Variants in BTG1 observed in about 807,000 individuals in gnomAD.
BTG1 encodes the protein BTG anti-proliferation factor 1, also known as protein BTG1.
In BTG1, 2 loss-of-function variants were observed where a neutral mutation model predicts 15.2. The ratio of observed to expected loss-of-function variants is 0.13; its 90% confidence interval spans 0.05 to 0.41. BTG1 has a LOEUF of 0.41. BTG1 is among the 10% of genes least tolerant of loss of function. The pLI, the probability that BTG1 is intolerant of heterozygous loss-of-function variation, is 0.99. For missense variants in BTG1, 149 were observed against 215.0 expected (o/e 0.69, Z 1.92); for synonymous variants, 109 against 82.4 (o/e 1.32, Z -1.75).
chr12:92,145,438 C>T lies in BTG1; in HGVS notation c.98G>A (p.Ser33Asn), dbSNP rs762479426. Residue 33 changes from serine (S) to asparagine (N), a missense_variant, in exon 1 of 2, where the codon AGC (serine) becomes AAC (asparagine). Physicochemically the swap from Ser to Asn is conservative, Grantham distance 46. Coordinates refer to ENST00000256015, the MANE Select transcript of BTG1 (RefSeq NM_001731.3). Reference sequence around the variant, plus strand: ...GCTGAAGGTCTGCAGCTGTCGCTCGCTCGTGAGCCCCTTGGTGCGGAGAAA... The same window carrying T: ...GCTGAAGGTCTGCAGCTGTCGCTCGTTCGTGAGCCCCTTGGTGCGGAGAAA... Reference protein sequence around the residue: ...SKFLRTKGLTSERQLQTFSQS... With the variant: ...SKFLRTKGLTNERQLQTFSQS... 12 of 1,592,944 alleles carry T rather than the reference C, an allele frequency of 7.5e-6. No individual in the cohort carries two copies. Among genetic ancestry groups the T allele is most frequent in the Non-Finnish European group, 1.0e-5 (12 of 1,171,088 alleles).
intron 1 of BTG1, 24 bp downstream of exon 1, chr12:92,145,364 C>T (rs372780404): frequency 6.5e-7 from 1 of 1,529,182 alleles, no homozygotes; most frequent in Non-Finnish European, 8.8e-7. Context: ...GCCCGCGTCC[C>T]TCCGACGCCC....
intron 1 of BTG1, 40 bp downstream of exon 1, chr12:92,145,348 T>C (rs780467393): frequency 3.3e-5 from 49 of 1,498,454 alleles, no homozygotes; most frequent in Non-Finnish European, 4.1e-5. Flanking sequence ...GACCCAGGGA[T>C]GTGGGGCCCG....
Position 92,145,513 on chromosome 12 carries a change from G to A in BTG1, c.23C>T (p.Ala8Val), listed in dbSNP as rs774756242. The change falls in exon 1 of 2, where the codon GCC (alanine) becomes GTC (valine). Residue 8 changes from alanine to valine, a missense_variant. Transcript: ENST00000256015. MHPFYTR[A>V]ATMIGEIAAA... ...GGCGATCTCGCCTATCATGGTGGCG[G>A]CCCGGGTGTAGAAGGGATGCATGGG... is the stretch of plus-strand genomic sequence containing the variant. The A allele has an allele frequency of 6.3e-7, 1 of 1,576,560 alleles. No homozygotes were observed. Among genetic ancestry groups the A allele is most frequent in the South Asian group, 1.1e-5 (1 of 87,682 alleles).
At chr12:92,145,065 C>T (rs1870494838) in intron 1 of BTG1, 1 of 212,456 alleles carries the variant, frequency 4.7e-6, no homozygotes, top group Non-Finnish European at 9.3e-6. Context: ...CCCACCCCAG[C>T]CCCACGGCTC....
In BTG1 at chr12:92,142,590, A is replaced by G. The variant is rs1010392559; in HGVS notation, c.*1490T>C. 1.7e-5 allele frequency: 4 copies of G among 232,850 alleles called. No homozygotes were observed. The highest frequency in any genetic ancestry group is 2.5e-5 in the Non-Finnish European group (3 of 117,864). The allele number at this position is 232,850 out of a possible 1,614,324, so 14.4% of individuals were successfully genotyped here. A position where few individuals can be genotyped will look rare whatever the true frequency, so the allele number is the denominator to read the frequency against. On this transcript the variant is annotated 3_prime_UTR_variant, in exon 2 of 2. Transcript: ENST00000256015. ...GTCAGCATTTCAACTTTTGAGAATA[A>G]AAGTTCATAAACATACCTTTTGTTG... is the stretch of plus-strand genomic sequence containing the variant.
In BTG1 at chr12:92,143,429, T is replaced by A. The variant is rs1047244120; in HGVS notation, c.*651A>T. On this transcript the variant is annotated 3_prime_UTR_variant, in exon 2 of 2. Coordinates refer to ENST00000256015, the MANE Select transcript of BTG1 (RefSeq NM_001731.3). ...AGCAAATGTACAGAGAGCTGGCTGG[T>A]GCTAACACCACAGTTGAGACAGTGT... The A allele has an allele frequency of 4.3e-6, 1 of 233,450 alleles. No individual in the cohort carries two copies. Among genetic ancestry groups the A allele is most frequent in the African/African-American group, 2.2e-5 (1 of 45,366 alleles). The allele number at this position is 233,450 out of a possible 1,614,324, so 14.5% of individuals were successfully genotyped here. A position where few individuals can be genotyped will look rare whatever the true frequency, so the allele number is the denominator to read the frequency against.
chr12:92,141,925 T>C lies in BTG1; in HGVS notation c.*2155A>G, dbSNP rs1322578118. ...AAAAAAAAAAAATGGTTGAGGTACTTAGTTTCAATGGAGTTACCAGATGAA... is the reference window on the plus strand; with the variant it reads ...AAAAAAAAAAAATGGTTGAGGTACTCAGTTTCAATGGAGTTACCAGATGAA... On this transcript the variant is annotated 3_prime_UTR_variant, in exon 2 of 2. Coordinates refer to ENST00000256015, the MANE Select transcript of BTG1 (RefSeq NM_001731.3). 4.3e-6 allele frequency: 1 copy of C among 232,326 alleles called. No individual in the cohort carries two copies. The highest frequency in any genetic ancestry group is 8.5e-6 in the Non-Finnish European group (1 of 117,586). 14.4% of individuals were successfully genotyped at this position (232,326 alleles called of 1,614,324 possible). A position where few individuals can be genotyped will look rare whatever the true frequency, so the allele number is the denominator to read the frequency against.
At chr12:92,144,504 G>C in intron 1 of BTG1, 57 bp from the exon 2 acceptor site, 2 of 1,591,726 alleles carry the variant, frequency 1.3e-6, no homozygotes, top group Non-Finnish European at 1.7e-6. Flanking sequence ...CTCCCACTGC[G>C]GATTCCTCCT....
In BTG1 at chr12:92,144,023, C is replaced by A. The variant is rs1257998640; in HGVS notation, c.*57G>T. On this transcript the variant is annotated 3_prime_UTR_variant, in exon 2 of 2. Transcript: ENST00000256015. ...AATCCATCCCCAAGAGGAGCCCACC[C>A]AAAGCAAAAATCAAATTTATCCATC... 1.9e-6 allele frequency: 3 copies of A among 1,594,742 alleles called. No homozygotes were observed. The highest frequency in any genetic ancestry group is 2.6e-6 in the Non-Finnish European group (3 of 1,174,580).
In BTG1 at chr12:92,143,057, T is replaced by C. The variant is rs887937383; in HGVS notation, c.*1023A>G. On this transcript the variant is annotated 3_prime_UTR_variant, in exon 2 of 2. Transcript: ENST00000256015. ...TGACCAGTGTGCAACAGAGATTCAG[T>C]TTATAGAACCTGTCTTCTAAGAAAA... The C allele has an allele frequency of 6.4e-5, 15 of 232,718 alleles. No homozygotes were observed. The highest frequency in any genetic ancestry group is 1.2e-4 in the Non-Finnish European group (14 of 117,850). The allele number at this position is 232,718 out of a possible 1,614,324, so 14.4% of individuals were successfully genotyped here. A position where few individuals can be genotyped will look rare whatever the true frequency, so the allele number is the denominator to read the frequency against.
In BTG1 at chr12:92,145,735, G is replaced by A. The variant is rs532298336; in HGVS notation, c.-200C>T. 50 of 326,136 alleles carry A rather than the reference G, an allele frequency of 1.5e-4. No homozygotes were observed. Among genetic ancestry groups the A allele is most frequent in the Non-Finnish European group, 2.7e-4 (49 of 184,186 alleles). 20.2% of individuals were successfully genotyped at this position (326,136 alleles called of 1,614,324 possible). On this transcript the variant is annotated 5_prime_UTR_variant, in exon 1 of 2. Coordinates refer to ENST00000256015, the MANE Select transcript of BTG1 (RefSeq NM_001731.3). ...GACAGGAGGCGGCAGGAGAGAGGAA[G>A]AGACGAGCGATGGCGGCCTGGTCAC... is the stretch of plus-strand genomic sequence containing the variant.
In BTG1 at chr12:92,144,419, T is replaced by C. The variant is rs758989919; in HGVS notation, c.177A>G (p.Glu59=). Residue 59 remains glutamate, a synonymous_variant, in exon 2 of 2, where the codon GAA becomes GAG. Coordinates refer to ENST00000256015, the MANE Select transcript of BTG1 (RefSeq NM_001731.3). ...AEHYKHHWFP[E]KPCKGSGYRC... ...GGTAACCCGATCCCTTGCATGGCTT[T>C]TCTGGGAACCAGTGATGTTTATAAT... The C allele has an allele frequency of 1.2e-6, 2 of 1,614,200 alleles. No homozygotes were observed. The highest frequency in any genetic ancestry group is 1.7e-6 in the Non-Finnish European group (2 of 1,180,034).
intron 1 of BTG1, chr12:92,145,142 T>C: frequency 2.4e-6 from 1 of 417,422 alleles, no homozygotes; most frequent in East Asian, 4.6e-5. Context: ...TAAGTTTCTT[T>C]GTTGTGCGTG....
chr12:92,145,628 G>T lies in BTG1; in HGVS notation c.-93C>A, dbSNP rs1201969742. ...CCACCCCGGGCTTCCTCACCGGGCG[G>T]AAGGCTGAGAGGAAGAGAGGGCGTG... On this transcript the variant is annotated 5_prime_UTR_variant, in exon 1 of 2. Coordinates refer to ENST00000256015, the MANE Select transcript of BTG1 (RefSeq NM_001731.3). 2.2e-6 allele frequency: 2 copies of T among 929,948 alleles called. No individual in the cohort carries two copies. Among genetic ancestry groups the T allele is most frequent in the African/African-American group, 1.8e-5 (1 of 57,102 alleles). 57.6% of individuals were successfully genotyped at this position (929,948 alleles called of 1,614,324 possible).
chr12:92,144,710 G>C (rs370638133), intron 1 of BTG1, among the ~76,000 whole-genome samples: 169 of 152,264 alleles, frequency 1.1e-3, no homozygotes, highest in African/African-American at 3.6e-3. Context: ...GCGCAGCCTC[G>C]GCCAGTCGGG....
rs2136946622 is a variant in BTG1, at chr12:92,142,778, T to C, written c.*1302A>G. The C allele has an allele frequency of 4.3e-6, 1 of 233,108 alleles. No individual in the cohort carries two copies. The highest frequency in any genetic ancestry group is 6.1e-5 in the East Asian group (1 of 16,518). 14.4% of individuals were successfully genotyped at this position (233,108 alleles called of 1,614,324 possible). ...ATCCATGGGGCAAAGTAATTGTTTT[T>C]CAAAGGTGGGTCAGAATGGAACATT... On this transcript the variant is annotated 3_prime_UTR_variant, in exon 2 of 2. Transcript: ENST00000256015.
chr12:92,145,611 GGCT>G lies in BTG1; in HGVS notation c.-79_-77del. The G allele has an allele frequency of 9.2e-7, 1 of 1,092,498 alleles. No individual in the cohort carries two copies. Among genetic ancestry groups the G allele is most frequent in the Non-Finnish European group, 1.2e-6 (1 of 849,392 alleles). The allele number at this position is 1,092,498 out of a possible 1,614,324, so 67.7% of individuals were successfully genotyped here. The stretch of plus-strand genomic sequence containing the variant: ...CCCCGACGGCGGAGCAGCCACCCCG[GGCT>G]TCCTCACCGGGCGGAAGGCTGAGAG... On this transcript the variant is annotated 5_prime_UTR_variant, in exon 1 of 2. Coordinates refer to ENST00000256015, the MANE Select transcript of BTG1 (RefSeq NM_001731.3).
chr12:92,142,921 T>C lies in BTG1; in HGVS notation c.*1159A>G, dbSNP rs1592656569. The C allele has an allele frequency of 4.3e-6, 1 of 233,124 alleles. No individual in the cohort carries two copies. The highest frequency in any genetic ancestry group is 8.5e-6 in the Non-Finnish European group (1 of 117,980). 14.4% of individuals were successfully genotyped at this position (233,124 alleles called of 1,614,324 possible). A position where few individuals can be genotyped will look rare whatever the true frequency, so the allele number is the denominator to read the frequency against. Reference sequence around the variant, plus strand: ...ATGAGATCATTAGCCTGTGAATGTGTCCATGTTTTGACTTTAGAAATTTTT... The same window carrying C: ...ATGAGATCATTAGCCTGTGAATGTGCCCATGTTTTGACTTTAGAAATTTTT... On this transcript the variant is annotated 3_prime_UTR_variant, in exon 2 of 2. Coordinates refer to ENST00000256015, the MANE Select transcript of BTG1 (RefSeq NM_001731.3).
At position 92,142,657 on chromosome 12, in the gene BTG1, T is replaced by C. The variant is rs1870324849; in HGVS notation, c.*1423A>G. On this transcript the variant is annotated 3_prime_UTR_variant, in exon 2 of 2. Coordinates refer to ENST00000256015, the MANE Select transcript of BTG1 (RefSeq NM_001731.3). ...ATTTTTATGTACATCTTGCAGGTGATGAAAAGCAAAAAGCAACCAATCTCT... is the reference window on the plus strand; with the variant it reads ...ATTTTTATGTACATCTTGCAGGTGACGAAAAGCAAAAAGCAACCAATCTCT... The C allele has an allele frequency of 4.3e-6, 1 of 232,980 alleles. No homozygotes were observed. The highest frequency in any genetic ancestry group is 5.6e-5 in the Admixed American group (1 of 17,778). The allele number at this position is 232,980 out of a possible 1,614,324, so 14.4% of individuals were successfully genotyped here.
Sources: allele counts gnomAD v4.1 joint callset (sites outside exome capture counted in the v4.1 genomes callset), GRCh38; gene constraint gnomAD v4.1.1; transcripts MANE v1.5; gene names NCBI Gene and HGNC (gene_info 2026-07-23, HGNC 2026-07-21).